Variants in SOCS5 observed in about 807,000 individuals in gnomAD.
The protein encoded by SOCS5 is CIS-6.
SOCS5 carries 32 observed loss-of-function variants against 42.8 expected under a neutral mutation model. That is an observed-to-expected ratio of 0.75 (90% CI 0.56 to 1.01). The LOEUF (loss-of-function observed/expected upper bound fraction) is 1.01. SOCS5 is among the 50% of genes least tolerant of loss of function. The pLI is 0.00. For missense variants in SOCS5, 627 were observed against 653.0 expected (o/e 0.96, Z 0.43); for synonymous variants, 283 against 229.6 (o/e 1.23, Z -2.10).
At chr2:46,712,596 C>T (rs1034660797) in intron 1 of SOCS5, among the ~76,000 whole-genome samples, 4 of 152,168 alleles carry the variant, frequency 2.6e-5, no homozygotes, top group Non-Finnish European at 5.9e-5. Flanking sequence ...CCTGCCTCGG[C>T]CTCCCAAAGT....
chr2:46,705,462 C>T (rs1672441685), intron 1 of SOCS5, among the ~76,000 whole-genome samples: 3 of 152,200 alleles, frequency 2.0e-5, no homozygotes, highest in Admixed American at 2.0e-4. Context: ...GTTTTGAGGT[C>T]ACAAAAGTCT....
intron 1 of SOCS5, among the ~76,000 whole-genome samples, chr2:46,713,102 T>A (rs1436280233): frequency 1.3e-5 from 2 of 152,226 alleles, no homozygotes; most frequent in Non-Finnish European, 2.9e-5. Flanking sequence ...ATGCCTGTAA[T>A]CCCAGCATTT....
chr2:46,719,955 T>C (rs1672843099), intron 1 of SOCS5, among the ~76,000 whole-genome samples: 1 of 152,166 alleles, frequency 6.6e-6, no homozygotes, highest in Non-Finnish European at 1.5e-5. Flanking sequence ...GCAAAGGTAA[T>C]TTAAAAAATT....
intron 1 of SOCS5, among the ~76,000 whole-genome samples, chr2:46,714,035 A>G (rs1389350573): frequency 6.6e-6 from 1 of 152,152 alleles, no homozygotes; most frequent in Non-Finnish European, 1.5e-5. Context: ...ACTTCAACCA[A>G]TATAAACTTT....
chr2:46,717,197 C>G (rs1672766775), intron 1 of SOCS5, among the ~76,000 whole-genome samples: 1 of 152,182 alleles, frequency 6.6e-6, no homozygotes, highest in Non-Finnish European at 1.5e-5. Context: ...CTAGCTGTCT[C>G]AGACTTTACA....
intron 1 of SOCS5, among the ~76,000 whole-genome samples, chr2:46,735,213 A>G (rs1338986931): frequency 2.0e-5 from 3 of 152,192 alleles, no homozygotes; most frequent in Non-Finnish European, 4.4e-5. Context: ...GCTCTGCTCC[A>G]CGAAGTAATT....
chr2:46,758,540 G>T lies in SOCS5; in HGVS notation c.10G>T (p.Val4Leu). ...TTAGATTTTATAATCAATGGATAAA[G>T]TGGGAAAAATGTGGAATAACTTCAA... MDK[V>L]GKMWNNFKYR... is the part of the protein sequence containing the mutation. The change falls in exon 2 of 2, where the codon GTG (valine) becomes TTG (leucine). Residue 4 changes from valine to leucine, a missense_variant. Transcript: ENST00000394861. The T allele has an allele frequency of 1.3e-6, 2 of 1,586,592 alleles. No homozygotes were observed. The highest frequency in any genetic ancestry group is 1.9e-5 in the Admixed American group (1 of 53,226).
intron 1 of SOCS5, among the ~76,000 whole-genome samples, chr2:46,717,505 A>G (rs1267181377): frequency 6.6e-6 from 1 of 152,130 alleles, no homozygotes; most frequent in African/African-American, 2.4e-5. Context: ...TTCATGCCAG[A>G]TAAACAATTT....
At chr2:46,719,436 A>C (rs185021669) in intron 1 of SOCS5, among the ~76,000 whole-genome samples, 90 of 152,344 alleles carry the variant, frequency 5.9e-4, no homozygotes, top group Middle Eastern at 6.8e-3. Flanking sequence ...CACTTGAATA[A>C]ATTTAATATT....
intron 1 of SOCS5, among the ~76,000 whole-genome samples, chr2:46,737,560 G>C (rs1168793175): frequency 6.6e-6 from 1 of 152,154 alleles, no homozygotes; most frequent in Non-Finnish European, 1.5e-5. Flanking sequence ...AGAAAATTCT[G>C]ATTTGGGGTC....
At position 46,715,679 on chromosome 2, in the gene SOCS5, A is replaced by G. The variant is rs187858564; in HGVS notation, c.-13+16230A>G. 4.4e-3 allele frequency among the ~76,000 whole-genome samples: 676 copies of G among 152,114 alleles called. 5 individuals are homozygous for G. The highest frequency in any genetic ancestry group is 7.5e-3 in the Non-Finnish European group (508 of 67,978). ...ACAAGAAGTTTGTTGTAATTCTTGT[A>G]TTTGTTTCTCTGTATATAATATGTT... On this transcript the variant is annotated intron_variant, in intron 1 of 1. Coordinates refer to ENST00000394861, the MANE Select transcript of SOCS5 (RefSeq NM_144949.3).
In SOCS5 at chr2:46,759,579, A is replaced by T. The variant is rs759072484; in HGVS notation, c.1049A>T (p.His350Leu). 1.9e-6 allele frequency: 3 copies of T among 1,613,836 alleles called. No homozygotes were observed. In the African/African-American group the frequency reaches 4.0e-5, roughly 22 times the overall value. The change falls in exon 2 of 2, where the codon CAT (histidine) becomes CTT (leucine). Residue 350 changes from histidine (H) to leucine (L), a missense_variant. His to Leu is a moderately conservative substitution (Grantham distance 99). Coordinates refer to ENST00000394861, the MANE Select transcript of SOCS5 (RefSeq NM_144949.3). ...CAGATATCTGGAGACAGCCATACCCATGTTAGCAGACAGGGAGCTTGGAAA... is the reference window on the plus strand; with the variant it reads ...CAGATATCTGGAGACAGCCATACCCTTGTTAGCAGACAGGGAGCTTGGAAA... ...QRQISGDSHT[H>L]VSRQGAWKVH...
At chr2:46,749,863 G>C (rs888255979) in intron 1 of SOCS5, among the ~76,000 whole-genome samples, 3 of 152,166 alleles carry the variant, frequency 2.0e-5, no homozygotes, top group East Asian at 1.9e-4. Flanking sequence ...ACATAGGAAA[G>C]TGACATTTGT....
chr2:46,702,074 GT>G (rs1462389713), intron 1 of SOCS5, among the ~76,000 whole-genome samples: 1 of 151,910 alleles, frequency 6.6e-6, no homozygotes, highest in African/African-American at 2.4e-5. Flanking sequence ...GTGTACCTGA[GT>G]TTACTCGTTT....
At chr2:46,740,402 C>G (rs927671735) in intron 1 of SOCS5, among the ~76,000 whole-genome samples, 1 of 152,174 alleles carries the variant, frequency 6.6e-6, no homozygotes, top group African/African-American at 2.4e-5. Context: ...AATTTTCTGT[C>G]TGGATGTACT....
At chr2:46,731,432 A>G (rs1673121563) in intron 1 of SOCS5, among the ~76,000 whole-genome samples, 1 of 152,240 alleles carries the variant, frequency 6.6e-6, no homozygotes, top group South Asian at 2.1e-4. Flanking sequence ...TCTTTTGTGT[A>G]TAAACCACCC....
intron 1 of SOCS5, among the ~76,000 whole-genome samples, chr2:46,727,300 T>C (rs915024819): frequency 8.5e-5 from 13 of 152,098 alleles, no homozygotes; most frequent in African/African-American, 3.1e-4. Context: ...TTATAATAGC[T>C]GCTTTAAAGT....
At chr2:46,746,778 G>A (rs1372599272) in intron 1 of SOCS5, among the ~76,000 whole-genome samples, 3 of 151,870 alleles carry the variant, frequency 2.0e-5, no homozygotes, top group Non-Finnish European at 2.9e-5. Context: ...TTTGTGTGTT[G>A]ATCTTGTATC....
At position 46,736,494 on chromosome 2, in the gene SOCS5, G is replaced by A. The variant is rs547914196; in HGVS notation, c.-12-22025G>A. On this transcript the variant is annotated intron_variant, in intron 1 of 1. Transcript: ENST00000394861. ...AAACTAACCTCATTTCCTCCTCTCC[G>A]CAGCCCCTGGAAACTACCATTCTAC... is the stretch of plus-strand genomic sequence containing the variant. Among the ~76,000 whole-genome samples, 28 of 152,062 alleles carry A rather than the reference G, an allele frequency of 1.8e-4. No individual in the cohort carries two copies. The South Asian group carries it at 3.3e-3, about 18-fold the overall frequency.
Sources: allele counts gnomAD v4.1 joint callset (sites outside exome capture counted in the v4.1 genomes callset), GRCh38; gene constraint gnomAD v4.1.1; transcripts MANE v1.5; gene names NCBI Gene and HGNC (gene_info 2026-07-23, HGNC 2026-07-21).